Variants in PPARG observed in about 807,000 individuals in gnomAD.
PPARG encodes peroxisome proliferator activated receptor gamma.
A neutral mutation model predicts 39.2 loss-of-function variants in PPARG; 17 were observed. The ratio of observed to expected loss-of-function variants is 0.43; its 90% confidence interval spans 0.30 to 0.65. PPARG has a LOEUF of 0.65. Among genes scored for constraint, PPARG ranks in the 30% least tolerant of loss-of-function variants. The probability of loss-of-function intolerance (pLI) is 0.13; values close to 1 mark genes in which losing one functional copy is unlikely to be tolerated. For missense variants in PPARG, 406 were observed against 585.9 expected (o/e 0.69, Z 3.17); for synonymous variants, 223 against 215.7 (o/e 1.03, Z -0.30).
intron 4 of PPARG, among the ~76,000 whole-genome samples, chr3:12,382,993 G>A (rs1182412428): frequency 6.6e-6 from 1 of 151,918 alleles, no homozygotes. Context: ...AAATAAATAA[G>A]TAAATAAATA....
chr3:12,312,749 A>T (rs1472115715), intron 2 of PPARG, among the ~76,000 whole-genome samples: 1 of 152,172 alleles, frequency 6.6e-6, no homozygotes, highest in Non-Finnish European at 1.5e-5. Context: ...CTACTTAAGT[A>T]ATAATTACAT....
At chr3:12,389,673 T>C (rs1471268190) in intron 4 of PPARG, among the ~76,000 whole-genome samples, 1 of 152,098 alleles carries the variant, frequency 6.6e-6, no homozygotes, top group African/African-American at 2.4e-5. Context: ...GGTGGATCAC[T>C]TGAGGCTGGG....
At chr3:12,304,406 G>T (rs553887132) in intron 1 of PPARG, among the ~76,000 whole-genome samples, 1 of 152,340 alleles carries the variant, frequency 6.6e-6, no homozygotes, top group Admixed American at 6.5e-5. Context: ...AGGATGTGGA[G>T]GACGTAGACT....
chr3:12,338,287 G>A (rs879592723), intron 2 of PPARG, among the ~76,000 whole-genome samples: 3 of 152,204 alleles, frequency 2.0e-5, no homozygotes, highest in Non-Finnish European at 2.9e-5. Context: ...CTGATGAGCT[G>A]TGTTTTAGAC....
intron 1 of PPARG, among the ~76,000 whole-genome samples, chr3:12,307,155 T>G (rs2047093960): frequency 6.8e-6 from 1 of 147,242 alleles, no homozygotes; most frequent in Non-Finnish European, 1.5e-5. Flanking sequence ...TTTTTTTGTC[T>G]CTCTTAAATT....
chr3:12,365,500 A>G (rs78417329), intron 2 of PPARG, among the ~76,000 whole-genome samples: 4,434 of 152,084 alleles, frequency 0.029, 198 homozygotes, highest in African/African-American at 0.1. Context: ...AGGGAGTTTT[A>G]TAGTTTTGTA....
In PPARG at chr3:12,396,034, G is replaced by C. The variant is rs4135337; in HGVS notation, c.529+3282G>C. On this transcript the variant is annotated intron_variant, in intron 5 of 7. Transcript: ENST00000651735. ...ATGGGCTCTTGCATGCATTTTTATA[G>C]ATTTTCAAAGTAGTCATTTTTGTTT... Among the ~76,000 whole-genome samples, 1,156 of 152,274 alleles carry C rather than the reference G, an allele frequency of 7.6e-3. 20 individuals carry two copies. The highest frequency in any genetic ancestry group is 0.027 in the African/African-American group (1,112 of 41,564).
At chr3:12,339,234 C>G (rs893596728) in intron 2 of PPARG, among the ~76,000 whole-genome samples, 1 of 152,102 alleles carries the variant, frequency 6.6e-6, no homozygotes, top group Non-Finnish European at 1.5e-5. Flanking sequence ...TTCCATTTAT[C>G]TGAAATGTCT....
At chr3:12,357,858 C>G (rs2048717817) in intron 2 of PPARG, among the ~76,000 whole-genome samples, 1 of 152,186 alleles carries the variant, frequency 6.6e-6, no homozygotes, top group South Asian at 2.1e-4. Flanking sequence ...ATCATATAGT[C>G]ACTGAAGAAA....
chr3:12,353,556 G>A (rs2048559397), intron 2 of PPARG, among the ~76,000 whole-genome samples: 1 of 152,126 alleles, frequency 6.6e-6, no homozygotes, highest in East Asian at 1.9e-4. Flanking sequence ...CTCATCATAG[G>A]CAAAGTGAAA....
intron 7 of PPARG, among the ~76,000 whole-genome samples, chr3:12,417,877 C>CTTTTTTTTTCTT: frequency 1.5e-5 from 1 of 64,650 alleles, no homozygotes; most frequent in Admixed American, 1.6e-4. Flanking sequence ...TGACTTTTTT[C>CTTTTTTTTTCTT]TTTTTTTTTT....
chr3:12,326,327 C>T (rs1177755228), intron 2 of PPARG, among the ~76,000 whole-genome samples: 4 of 152,154 alleles, frequency 2.6e-5, no homozygotes, highest in Non-Finnish European at 5.9e-5. Flanking sequence ...TCCAGTGATA[C>T]ACAATATGCG....
chr3:12,413,573 C>T (rs2050954023), intron 6 of PPARG, among the ~76,000 whole-genome samples: 1 of 152,044 alleles, frequency 6.6e-6, no homozygotes, highest in African/African-American at 2.4e-5. Flanking sequence ...CTTTGTGAGG[C>T]AGAGGTGGGT....
chr3:12,391,032 C>A (rs2050059706), intron 4 of PPARG, among the ~76,000 whole-genome samples: 1 of 152,144 alleles, frequency 6.6e-6, no homozygotes, highest in Non-Finnish European at 1.5e-5. Flanking sequence ...GCCTTTGTAA[C>A]ATCTCAGTCA....
At chr3:12,429,064 T>G (rs1415570856) in intron 7 of PPARG, among the ~76,000 whole-genome samples, 1 of 152,190 alleles carries the variant, frequency 6.6e-6, no homozygotes, top group Non-Finnish European at 1.5e-5. Context: ...GCTGCCCTCC[T>G]TCCCTAAACC....
intron 2 of PPARG, among the ~76,000 whole-genome samples, chr3:12,365,658 T>C (rs1464984794): frequency 6.6e-6 from 1 of 152,118 alleles, no homozygotes; most frequent in Non-Finnish European, 1.5e-5. Flanking sequence ...TTGAAAAGAC[T>C]GTCTTTGCTC....
intron 5 of PPARG, among the ~76,000 whole-genome samples, chr3:12,402,798 A>C (rs1366937926): frequency 6.6e-6 from 1 of 152,136 alleles, no homozygotes; most frequent in Non-Finnish European, 1.5e-5. Context: ...ACTGGTGAAC[A>C]AGAAATGAAT....
intron 2 of PPARG, among the ~76,000 whole-genome samples, chr3:12,330,408 A>C (rs1283191065): frequency 6.7e-6 from 1 of 149,400 alleles, no homozygotes; most frequent in African/African-American, 2.5e-5. Flanking sequence ...GCATCTTTTC[A>C]TGTGCTTATT....
chr3:12,359,678 T>C (rs968841012), intron 2 of PPARG, among the ~76,000 whole-genome samples: 3 of 147,310 alleles, frequency 2.0e-5, no homozygotes, highest in Non-Finnish European at 3.0e-5. Flanking sequence ...TTATTTCTTT[T>C]TTTTTTTTTT....
Sources: gnomAD v4.1 joint callset for allele counts (sites outside exome capture counted in the v4.1 genomes callset) on GRCh38, gnomAD v4.1.1 for gene constraint, MANE v1.5 for transcripts, NCBI Gene and HGNC (gene_info 2026-07-23, HGNC 2026-07-21) for gene names.